RPH3A: variants seen among roughly 807,000 people sequenced by gnomAD.
RPH3A encodes rabphilin 3A.
In RPH3A, 48 loss-of-function variants were observed where a neutral mutation model predicts 102.2. The ratio of observed to expected loss-of-function variants is 0.47; its 90% CI spans 0.37 to 0.60. The LOEUF (loss-of-function observed/expected upper bound fraction) is 0.60, where lower values mean the gene tolerates loss of function less well. Among genes scored for constraint, RPH3A ranks in the 20% least tolerant of loss-of-function variants. The pLI is 0.00. For synonymous variants in RPH3A, 310 were observed against 324.3 expected (o/e 0.96, Z 0.47); for missense variants, 781 against 910.1 (o/e 0.86, Z 1.83).
intron 1 of RPH3A, chr12:112,651,633 T>C (rs1046687446): frequency 3.9e-5 from 6 of 152,192 alleles, no homozygotes. Context: ...AAATATACAA[T>C]TGAGTAGCAT....
chr12:112,647,863 A>ATT (rs1287175988), intron 1 of RPH3A, among the ~76,000 whole-genome samples: 1 of 152,234 alleles, frequency 6.6e-6, no homozygotes, highest in Non-Finnish European at 1.5e-5. Context: ...CAAGTGAATG[A>ATT]AAGTCAAATG....
chr12:112,771,331 T>C (rs1254734698), intron 1 of RPH3A, among the ~76,000 whole-genome samples: 1 of 152,240 alleles, frequency 6.6e-6, no homozygotes. Flanking sequence ...ATATGGCTTT[T>C]GCTTTTTCAA....
chr12:112,755,122 A>G (rs7315519), intron 1 of RPH3A, among the ~76,000 whole-genome samples: 84,417 of 151,880 alleles, frequency 0.56, 23,678 homozygotes, highest in East Asian at 0.78. Flanking sequence ...GCACAGGTAG[A>G]CTATTCACCT....
intron 19 of RPH3A, 53 bp from the exon 20 acceptor site, chr12:112,894,525 C>T: frequency 6.5e-7 from 1 of 1,533,678 alleles, no homozygotes; most frequent in African/African-American, 1.4e-5. Flanking sequence ...GGTCAAGAGG[C>T]TGTTCTTATT....
At chr12:112,603,104 T>C (rs1313090432) in intron 1 of RPH3A, among the ~76,000 whole-genome samples, 1 of 152,170 alleles carries the variant, frequency 6.6e-6, no homozygotes, top group Non-Finnish European at 1.5e-5. Flanking sequence ...GGCCTGTTTG[T>C]TCAGACTCCT....
At chr12:112,753,044 G>A (rs1000018780) in intron 1 of RPH3A, among the ~76,000 whole-genome samples, 2 of 150,080 alleles carry the variant, frequency 1.3e-5, no homozygotes, top group African/African-American at 4.9e-5. Context: ...TGCCCTTGTG[G>A]GATAATTTTT....
intron 1 of RPH3A, among the ~76,000 whole-genome samples, chr12:112,669,407 A>C (rs2040111791): frequency 1.3e-5 from 2 of 152,260 alleles, no homozygotes; most frequent in Admixed American, 6.5e-5. Context: ...TTGAGTTCAA[A>C]GAAATGTTGG....
chr12:112,607,026 A>G (rs1273083848), intron 1 of RPH3A, among the ~76,000 whole-genome samples: 1 of 152,078 alleles, frequency 6.6e-6, no homozygotes. Flanking sequence ...AGGACCTTTA[A>G]GGGGGGGATC....
At chr12:112,693,829 T>C (rs2040325570) in intron 1 of RPH3A, among the ~76,000 whole-genome samples, 1 of 152,224 alleles carries the variant, frequency 6.6e-6, no homozygotes, top group African/African-American at 2.4e-5. Context: ...ATTGACTTGT[T>C]TATTTGCCAT....
chr12:112,786,398 T>G (rs1249186298), intron 1 of RPH3A, among the ~76,000 whole-genome samples: 1 of 152,186 alleles, frequency 6.6e-6, no homozygotes, highest in Non-Finnish European at 1.5e-5. Flanking sequence ...CTCTTTCTCT[T>G]GCACGCCAAT....
rs533529173 is a variant in RPH3A at position 112,755,870 on chromosome 12, A to T, written c.-139-36273A>T. Among the ~76,000 whole-genome samples the T allele has an allele frequency of 8.5e-5, 13 of 152,296 alleles. No homozygotes were observed. The South Asian group carries it at 2.7e-3, about 32-fold the overall frequency. On this transcript the variant is annotated intron_variant, in intron 1 of 21. Transcript: ENST00000543106. ...TTTATTAGGCAGCATTACTGGGGGA[A>T]TGCCATATCCTTTATGCCTTGTTAT...
intron 1 of RPH3A, among the ~76,000 whole-genome samples, chr12:112,648,368 C>T (rs2039946944): frequency 6.6e-6 from 1 of 151,334 alleles, no homozygotes; most frequent in South Asian, 2.1e-4. Flanking sequence ...TCTTAATATA[C>T]ACACTGTGCA....
At chr12:112,729,627 T>G (rs1397044220) in intron 1 of RPH3A, among the ~76,000 whole-genome samples, 1 of 152,208 alleles carries the variant, frequency 6.6e-6, no homozygotes, top group Non-Finnish European at 1.5e-5. Context: ...AAATATTGAC[T>G]AGTTGCTTTA....
chr12:112,828,278 C>G, intron 2 of RPH3A, 23 bp from the exon 3 acceptor site: 1 of 1,529,750 alleles, frequency 6.5e-7, no homozygotes, highest in Non-Finnish European at 9.0e-7. Context: ...GGGTGATGTC[C>G]TCTCTGGATT....
At chr12:112,858,211 G>A (rs1343204620) in intron 5 of RPH3A, among the ~76,000 whole-genome samples, 6 of 137,522 alleles carry the variant, frequency 4.4e-5, no homozygotes, top group Non-Finnish European at 7.5e-5. Context: ...AGGCTGCAGC[G>A]AGCTATGATC....
chr12:112,750,091 G>A (rs1035182754), intron 1 of RPH3A, among the ~76,000 whole-genome samples: 2 of 152,258 alleles, frequency 1.3e-5, no homozygotes, highest in African/African-American at 4.8e-5. Flanking sequence ...AGGTAGATAT[G>A]GTTCTCTCAT....
At chr12:112,712,782 G>T (rs186722899) in intron 1 of RPH3A, among the ~76,000 whole-genome samples, 1 of 152,024 alleles carries the variant, frequency 6.6e-6, no homozygotes, top group Non-Finnish European at 1.5e-5. Context: ...TGTGATCATG[G>T]CTCATGGCAG....
In RPH3A at chr12:112,874,831, A is replaced by G. The variant is rs1337965789; in HGVS notation, c.797-253A>G. 6.3e-6 allele frequency: 3 copies of G among 472,506 alleles called. No individual in the cohort carries two copies. In the East Asian group the frequency reaches 1.1e-4, roughly 17 times the overall value. 29.3% of individuals were successfully genotyped at this position (472,506 alleles called of 1,614,324 possible). On this transcript the variant is annotated intron_variant, in intron 10 of 21. Coordinates refer to ENST00000389385, the MANE Select transcript of RPH3A (RefSeq NM_001143854.2). ...GAGGACAGGTCACTTGAGCAACGTC[A>G]CACAGGTGGAAGGAGGATTGTAGAA... is the stretch of plus-strand genomic sequence containing the variant.
chr12:112,766,918 A>G (rs1473678116), intron 1 of RPH3A, among the ~76,000 whole-genome samples: 6 of 152,142 alleles, frequency 3.9e-5, no homozygotes, highest in Admixed American at 3.9e-4. Flanking sequence ...TCTTTCCCAA[A>G]CATGTGTGGC....
Sources: gnomAD v4.1 joint callset for allele counts (sites outside exome capture counted in the v4.1 genomes callset) on GRCh38, gnomAD v4.1.1 for gene constraint, MANE v1.5 for transcripts, NCBI Gene and HGNC (gene_info 2026-07-23, HGNC 2026-07-21) for gene names.